PVT1: variants seen among roughly 807,000 people sequenced by gnomAD.
The protein encoded by PVT1 is Pvt1 oncogene.
chr8:127,934,596 T>C (rs773372776), intron 3 of PVT1, among the ~76,000 whole-genome samples: 14 of 152,230 alleles, frequency 9.2e-5, no homozygotes, highest in Non-Finnish European at 1.6e-4. Context: ...GGTACATTTC[T>C]CCCAATTTCT....
intron 4 of PVT1, among the ~76,000 whole-genome samples, chr8:128,021,540 T>A (rs540160371): frequency 2.6e-5 from 4 of 151,866 alleles, no homozygotes; most frequent in South Asian, 2.1e-4. Flanking sequence ...TGATCCGCCC[T>A]CCTCGGCCTC....
chr8:127,903,707 T>A (rs1210598235), intron 3 of PVT1, among the ~76,000 whole-genome samples: 1 of 152,214 alleles, frequency 6.6e-6, no homozygotes, highest in African/African-American at 2.4e-5. Flanking sequence ...CCTCTTTTTG[T>A]CAAGTTTGTT....
intron 4 of PVT1, chr8:128,010,621 CT>C (rs1817303161): frequency 6.6e-6 from 1 of 152,194 alleles, no homozygotes; most frequent in Non-Finnish European, 1.5e-5. Context: ...TCATGGCTTT[CT>C]TTAATAGCAA....
At chr8:128,031,232 G>A (rs1208826932) in intron 4 of PVT1, among the ~76,000 whole-genome samples, 1 of 152,244 alleles carries the variant, frequency 6.6e-6, no homozygotes, top group Non-Finnish European at 1.5e-5. Context: ...GCTGGCAGGG[G>A]AGGGACCCTT....
intron 5 of PVT1, among the ~76,000 whole-genome samples, chr8:128,081,561 AGCC>A (rs1814179422): frequency 6.6e-6 from 1 of 152,252 alleles, no homozygotes; most frequent in Non-Finnish European, 1.5e-5. Flanking sequence ...GGGGGTTATT[AGCC>A]TTGCCTTCTG....
At chr8:127,887,931 G>GTTTTTTTTTTTTTTTT (rs560976785) in intron 2 of PVT1, among the ~76,000 whole-genome samples, 2 of 66,588 alleles carry the variant, frequency 3.0e-5, no homozygotes, top group African/African-American at 1.3e-4. Flanking sequence ...ACTCTATCTT[G>GTTTTTTTTTTTTTTTT]TTTTTTTTTT....
intron 3 of PVT1, among the ~76,000 whole-genome samples, chr8:127,915,262 C>G (rs1006428112): frequency 3.9e-5 from 6 of 152,090 alleles, no homozygotes; most frequent in African/African-American, 1.4e-4. Context: ...TTACTTTATG[C>G]AGATTTTACC....
chr8:128,080,011 T>A (rs1410242697), intron 5 of PVT1, among the ~76,000 whole-genome samples: 1 of 152,194 alleles, frequency 6.6e-6, no homozygotes, highest in Non-Finnish European at 1.5e-5. Context: ...AGACTGATTC[T>A]TTCACTTAGT....
intron 4 of PVT1, among the ~76,000 whole-genome samples, chr8:128,016,938 C>A (rs1283144852): frequency 6.6e-6 from 1 of 152,192 alleles, no homozygotes; most frequent in Non-Finnish European, 1.5e-5. Context: ...GTAATCCCAG[C>A]ACTTCGGGAG....
chr8:127,947,141 A>G lies in PVT1; in HGVS notation n.783-42021A>G, dbSNP rs114562918. 5.1e-3 allele frequency: 784 copies of G among 153,240 alleles called. 12 individuals are homozygous for G. The highest frequency in any genetic ancestry group is 0.018 in the African/African-American group (744 of 41,546). The allele number at this position is 153,240 out of a possible 1,614,324, so 9.5% of individuals were successfully genotyped here. On this transcript the variant is annotated intron_variant and non_coding_transcript_variant, in intron 3 of 10. Coordinates refer to ENST00000651587, the Ensembl canonical transcript of PVT1. ...GTACTCAGTCTTTTCTTTCCTTCTA[A>G]TAAGTAGGTGAGTATTTTCCTTGGT... is the stretch of plus-strand genomic sequence containing the variant.
chr8:127,881,755 C>G (rs1319439792), intron 2 of PVT1, among the ~76,000 whole-genome samples: 2 of 151,856 alleles, frequency 1.3e-5, no homozygotes, highest in Non-Finnish European at 2.9e-5. Flanking sequence ...CCACACCCGG[C>G]CTATTATTAT....
At chr8:128,024,331 G>A (rs930872502) in intron 4 of PVT1, among the ~76,000 whole-genome samples, 1 of 152,158 alleles carries the variant, frequency 6.6e-6, no homozygotes, top group Non-Finnish European at 1.5e-5. Flanking sequence ...CTTGTGGAGG[G>A]CTGTCATAGT....
intron 2 of PVT1, among the ~76,000 whole-genome samples, chr8:127,827,654 C>G (rs781453911): frequency 6.6e-6 from 1 of 152,108 alleles, no homozygotes; most frequent in Non-Finnish European, 1.5e-5. Context: ...AGCTGCTCCC[C>G]CAGGCCCCAT....
intron 5 of PVT1, among the ~76,000 whole-genome samples, chr8:128,088,612 C>T (rs1260404581): frequency 6.6e-6 from 1 of 152,172 alleles, no homozygotes; most frequent in Admixed American, 6.5e-5. Context: ...GACTTCAGTC[C>T]TTTGAAAGTG....
intron 3 of PVT1, among the ~76,000 whole-genome samples, chr8:127,967,078 A>G (rs1816711026): frequency 6.6e-6 from 1 of 152,190 alleles, no homozygotes; most frequent in Non-Finnish European, 1.5e-5. Flanking sequence ...CACACCTGAC[A>G]ACGCCTTGGG....
chr8:128,074,519 TAA>T (rs35127174), intron 5 of PVT1, among the ~76,000 whole-genome samples: 2,592 of 122,768 alleles, frequency 0.021, 77 homozygotes, highest in African/African-American at 0.061. Context: ...TGAGACTGTC[TAA>T]AAAAAAAAAA....
intron 4 of PVT1, among the ~76,000 whole-genome samples, chr8:128,045,222 C>A (rs887094108): frequency 1.3e-5 from 2 of 152,162 alleles, no homozygotes; most frequent in African/African-American, 4.8e-5. Flanking sequence ...ACCACGGCAG[C>A]CTGCTCTGAA....
At chr8:127,837,812 A>G (rs547484353) in intron 2 of PVT1, among the ~76,000 whole-genome samples, 41 of 152,130 alleles carry the variant, frequency 2.7e-4, no homozygotes, top group Non-Finnish European at 3.7e-4. Flanking sequence ...GTCAGGTATG[A>G]TCAGCCTATG....
intron 3 of PVT1, among the ~76,000 whole-genome samples, chr8:127,899,053 A>T (rs1815726320): frequency 6.6e-6 from 1 of 152,208 alleles, no homozygotes; most frequent in Non-Finnish European, 1.5e-5. Context: ...TAAACAAATA[A>T]ACACTGGCTG....
Sources: gnomAD v4.1 joint callset for allele counts (sites outside exome capture counted in the v4.1 genomes callset) on GRCh38, gnomAD v4.1.1 for gene constraint, MANE v1.5 for transcripts, NCBI Gene and HGNC (gene_info 2026-07-23, HGNC 2026-07-21) for gene names.